KCNQ3: variants seen among roughly 807,000 people sequenced by gnomAD.
KCNQ3 encodes the protein potassium voltage-gated channel subfamily Q member 3.
A neutral mutation model predicts 92.5 loss-of-function variants in KCNQ3; 30 were observed. The observed-to-expected ratio is 0.32, with a 90% CI of 0.24 to 0.44. KCNQ3 has a LOEUF of 0.44. Ranked by LOEUF, KCNQ3 falls within the 20% of genes least tolerant of loss-of-function variation. The pLI is 1.00. For synonymous variants in KCNQ3, 450 were observed against 468.8 expected (o/e 0.96, Z 0.52); for missense variants, 913 against 1,140.3 (o/e 0.80, Z 2.87).
At chr8:132,429,931 A>C (rs970618395) in intron 1 of KCNQ3, among the ~76,000 whole-genome samples, 9 of 151,712 alleles carry the variant, frequency 5.9e-5, no homozygotes, top group Non-Finnish European at 1.3e-4. Flanking sequence ...CTCTGCTCAC[A>C]CCTTAGACCA....
chr8:132,366,178 C>T (rs921578268), intron 1 of KCNQ3, among the ~76,000 whole-genome samples: 3 of 152,056 alleles, frequency 2.0e-5, no homozygotes, highest in Non-Finnish European at 4.4e-5. Flanking sequence ...TTTTTAAGTT[C>T]TCTTCATATA....
intron 1 of KCNQ3, among the ~76,000 whole-genome samples, chr8:132,196,724 G>A (rs1342117891): frequency 6.6e-6 from 1 of 152,218 alleles, no homozygotes; most frequent in African/African-American, 2.4e-5. Context: ...CCCAAGGCCT[G>A]TCAGGGCTAT....
intron 1 of KCNQ3, among the ~76,000 whole-genome samples, chr8:132,288,835 T>C (rs941503358): frequency 6.6e-6 from 1 of 152,234 alleles, no homozygotes; most frequent in African/African-American, 2.4e-5. Flanking sequence ...TGTCTACCGA[T>C]GTGTCCAGGA....
intron 1 of KCNQ3, among the ~76,000 whole-genome samples, chr8:132,369,573 GCACACACACACA>G (rs3049658): frequency 6.7e-5 from 10 of 148,250 alleles, no homozygotes; most frequent in East Asian, 6.0e-4. Context: ...TGCTCAAACA[GCACACACACACA>G]CACACACACA....
rs1244669617 is a variant in KCNQ3 at position 132,274,677 on chromosome 8, G to C, written c.387-88496C>G. Among the ~76,000 whole-genome samples the C allele has an allele frequency of 2.6e-5, 4 of 152,178 alleles. No individual in the cohort carries two copies. In the East Asian group the frequency reaches 7.7e-4, roughly 29 times the overall value. On this transcript the variant is annotated intron_variant, in intron 1 of 14. Coordinates refer to ENST00000388996, the MANE Select transcript of KCNQ3 (RefSeq NM_004519.4). ...GTGACACATGCCAGGCTAGGGTCTA[G>C]ACATACCTGTCTTCAAGGAACATGA... is the stretch of plus-strand genomic sequence containing the variant.
chr8:132,245,630 C>A (rs937327753), intron 1 of KCNQ3, among the ~76,000 whole-genome samples: 2 of 151,908 alleles, frequency 1.3e-5, no homozygotes, highest in Non-Finnish European at 2.9e-5. Flanking sequence ...GGTTAACCAC[C>A]AAGTTGACAC....
At chr8:132,272,949 C>G (rs1364430304) in intron 1 of KCNQ3, among the ~76,000 whole-genome samples, 1 of 152,180 alleles carries the variant, frequency 6.6e-6, no homozygotes, top group Non-Finnish European at 1.5e-5. Flanking sequence ...AGTACACAGT[C>G]TGAAGTCTCA....
At chr8:132,440,722 G>A (rs565429938) in intron 1 of KCNQ3, among the ~76,000 whole-genome samples, 6 of 152,142 alleles carry the variant, frequency 3.9e-5, no homozygotes, top group African/African-American at 1.4e-4. Context: ...GCACACACAG[G>A]AGGGGGGTTA....
chr8:132,392,547 C>CTG, intron 1 of KCNQ3, among the ~76,000 whole-genome samples: 1 of 152,118 alleles, frequency 6.6e-6, no homozygotes, highest in Admixed American at 6.5e-5. Flanking sequence ...ACTCTATATT[C>CTG]AAACCTCACC....
At chr8:132,377,775 ACT>A (rs1819649879) in intron 1 of KCNQ3, among the ~76,000 whole-genome samples, 1 of 152,038 alleles carries the variant, frequency 6.6e-6, no homozygotes, top group East Asian at 1.9e-4. Context: ...CAATAACTTT[ACT>A]CTCTCTGATT....
At chr8:132,154,016 T>A (rs1825716720) in intron 9 of KCNQ3, among the ~76,000 whole-genome samples, 1 of 151,894 alleles carries the variant, frequency 6.6e-6, no homozygotes. Flanking sequence ...TTTTTCCTTT[T>A]TCCTCCTGTC....
intron 1 of KCNQ3, among the ~76,000 whole-genome samples, chr8:132,355,671 C>A (rs1336972929): frequency 6.6e-6 from 1 of 152,154 alleles, no homozygotes; most frequent in Non-Finnish European, 1.5e-5. Context: ...AAGGGGAATG[C>A]TGGTGGGATC....
At position 132,300,314 on chromosome 8, in the gene KCNQ3, C is replaced by T. The variant is rs190932990; in HGVS notation, c.387-114133G>A. ...TGTGCAGAATGTTGGAAGTGTTGGCCTCCCATATGACAGGAGTGCCCTGCA... is the reference window on the plus strand; with the variant it reads ...TGTGCAGAATGTTGGAAGTGTTGGCTTCCCATATGACAGGAGTGCCCTGCA... On this transcript the variant is annotated intron_variant, in intron 1 of 14. Coordinates refer to ENST00000388996, the MANE Select transcript of KCNQ3 (RefSeq NM_004519.4). 4.8e-3 allele frequency among the ~76,000 whole-genome samples: 724 copies of T among 152,252 alleles called. 6 individuals are homozygous for T. Among genetic ancestry groups the T allele is most frequent in the African/African-American group, 0.017 (701 of 41,532 alleles).
intron 1 of KCNQ3, among the ~76,000 whole-genome samples, chr8:132,263,681 A>C (rs1472468195): frequency 2.0e-5 from 3 of 152,234 alleles, no homozygotes; most frequent in Non-Finnish European, 4.4e-5. Context: ...ATCAAAAAGA[A>C]GTAAAACAAC....
intron 9 of KCNQ3, among the ~76,000 whole-genome samples, chr8:132,156,708 A>C (rs1825805135): frequency 6.6e-6 from 1 of 152,192 alleles, no homozygotes. Flanking sequence ...CAGAGGGTTA[A>C]ATTGTGTTGC....
chr8:132,146,135 A>G (rs1460277549), intron 9 of KCNQ3, among the ~76,000 whole-genome samples: 1 of 152,278 alleles, frequency 6.6e-6, no homozygotes, highest in Non-Finnish European at 1.5e-5. Context: ...GGGGCCCACA[A>G]AGATTTTTGA....
intron 1 of KCNQ3, among the ~76,000 whole-genome samples, chr8:132,436,463 A>G (rs1459341430): frequency 6.6e-6 from 1 of 152,230 alleles, no homozygotes; most frequent in Non-Finnish European, 1.5e-5. Context: ...TGAAAACAGC[A>G]GTATGTTGTT....
chr8:132,274,333 C>T (rs997955315), intron 1 of KCNQ3, among the ~76,000 whole-genome samples: 1 of 152,126 alleles, frequency 6.6e-6, no homozygotes. Context: ...TCTCGTGAGA[C>T]TTATTCACTA....
chr8:132,399,427 C>A (rs1820278237), intron 1 of KCNQ3, among the ~76,000 whole-genome samples: 1 of 152,212 alleles, frequency 6.6e-6, no homozygotes, highest in African/African-American at 2.4e-5. Flanking sequence ...CAGTCTTCTA[C>A]TTCCTCTTAT....
Sources: allele counts gnomAD v4.1 joint callset (sites outside exome capture counted in the v4.1 genomes callset), GRCh38; gene constraint gnomAD v4.1.1; transcripts MANE v1.5; gene names NCBI Gene and HGNC (gene_info 2026-07-23, HGNC 2026-07-21).